The following DNAH9 variants were observed in gnomAD, a reference collection of about 807,000 sequenced individuals.
The protein encoded by DNAH9 is DNAH9 variant protein.
In DNAH9, 345 loss-of-function variants were observed where a neutral mutation model predicts 471.6. The ratio of observed to expected loss-of-function variants is 0.73; its 90% CI spans 0.67 to 0.80. The LOEUF is 0.80. DNAH9 is among the 30% of genes least tolerant of loss of function. The pLI, the probability that DNAH9 is intolerant of heterozygous loss-of-function variation, is 0.00. For synonymous variants in DNAH9, 2,093 were observed against 2,123.6 expected (o/e 0.99, Z 0.40); for missense variants, 5,407 against 5,609.2 (o/e 0.96, Z 1.15).
intron 48 of DNAH9, among the ~76,000 whole-genome samples, chr17:11,833,145 T>C (rs1325258172): frequency 7.2e-5 from 11 of 152,172 alleles, no homozygotes; most frequent in Non-Finnish European, 1.6e-4. Context: ...CTCTCCCAGC[T>C]CATGAGCAGA....
Position 11,675,506 on chromosome 17 carries a change from G to A in DNAH9, c.3354-4251G>A, listed in dbSNP as rs2074035177. 1.3e-5 allele frequency among the ~76,000 whole-genome samples: 2 copies of A among 152,170 alleles called. 1 individual carries two copies. On this transcript the variant is annotated intron_variant, in intron 17 of 68. Coordinates refer to ENST00000262442, the MANE Select transcript of DNAH9 (RefSeq NM_001372.4). ...GAAAGTGGGGATAACATACGTCTTT[G>A]TCTTGTCTCTGATCTTAAAAGGAGT...
At position 11,962,076 on chromosome 17, in the gene DNAH9, C is replaced by T; in HGVS notation, c.13053C>T (p.Asn4351=). 2 of 1,614,148 alleles carry T rather than the reference C, an allele frequency of 1.2e-6. No individual in the cohort carries two copies. The highest frequency in any genetic ancestry group is 2.2e-5 in the East Asian group (1 of 44,860). Residue 4351 remains asparagine (N), a synonymous_variant, in exon 68 of 69, where the codon AAC becomes AAT. Transcript: ENST00000262442. The surrounding 1 kb of genome is among the most constrained non-coding windows in gnomAD (Gnocchi z 4.1). ...PSTVWLTGFF[N]PQSFLTAIMQ... Reference sequence around the variant, plus strand: ...CTGTGTGGCTGACAGGCTTCTTCAACCCCCAGTCGTTCCTGACTGCCATCA... The same window carrying T: ...CTGTGTGGCTGACAGGCTTCTTCAATCCCCAGTCGTTCCTGACTGCCATCA...
intron 11 of DNAH9, among the ~76,000 whole-genome samples, chr17:11,644,947 A>G (rs940010593): frequency 2.6e-5 from 4 of 152,224 alleles, no homozygotes; most frequent in African/African-American, 9.6e-5. Flanking sequence ...AACTAGAGCT[A>G]GGAGTGGGGT....
chr17:11,802,108 G>A (rs9913751), intron 43 of DNAH9, among the ~76,000 whole-genome samples: 1,686 of 152,214 alleles, frequency 0.011, 33 homozygotes, highest in African/African-American at 0.038. Context: ...TCAACCACCC[G>A]TTACTTTATC....
Position 11,742,284 on chromosome 17 carries a change from C to T in DNAH9, c.6082C>T (p.Gln2028Ter), listed in dbSNP as rs1324437400. The change falls in exon 30 of 69, where the codon CAG becomes TAG. Residue 2028 changes from glutamine to a stop codon, truncating the protein, a stop_gained. Coordinates refer to ENST00000262442, the MANE Select transcript of DNAH9 (RefSeq NM_001372.4). LOFTEE classifies it high-confidence loss of function. Reference protein sequence around the residue: ...SLARKFITLYQLCKELLSKQD... With the variant: ...SLARKFITLY ...AGCCAGAAAGTTCATCACTCTTTAC[C>T]AGTTGTGCAAAGAGCTTCTCTCCAA... 8 of 1,613,958 alleles carry T rather than the reference C, an allele frequency of 5.0e-6. No individual in the cohort carries two copies. Among genetic ancestry groups the T allele is most frequent in the Admixed American group, 1.7e-5 (1 of 60,006 alleles).
intron 26 of DNAH9, among the ~76,000 whole-genome samples, chr17:11,717,010 G>A (rs898508774): frequency 1.3e-5 from 2 of 152,216 alleles, no homozygotes; most frequent in African/African-American, 4.8e-5. Context: ...CACGCATAGG[G>A]CTCCATGAAT....
At chr17:11,893,145 C>T in intron 58 of DNAH9, among the ~76,000 whole-genome samples, 1 of 146,942 alleles carries the variant, frequency 6.8e-6, no homozygotes, top group Non-Finnish European at 1.5e-5. Flanking sequence ...CCCTATATTC[C>T]CCACTCCAGC....
chr17:11,823,537 T>G (rs2150942648), intron 48 of DNAH9, among the ~76,000 whole-genome samples: 1 of 152,316 alleles, frequency 6.6e-6, no homozygotes, highest in East Asian at 1.9e-4. Context: ...CTGTTATTTG[T>G]CAAAGAGCCA....
intron 36 of DNAH9, among the ~76,000 whole-genome samples, chr17:11,764,894 A>G (rs1967866843): frequency 6.6e-6 from 1 of 152,248 alleles, no homozygotes; most frequent in East Asian, 1.9e-4. Context: ...TCATCACATC[A>G]TATGCATTAA....
intron 12 of DNAH9, 105 bp from the exon 13 acceptor site, chr17:11,650,964 C>A: frequency 1.6e-6 from 2 of 1,225,120 alleles, no homozygotes; most frequent in Non-Finnish European, 2.3e-6. Flanking sequence ...TAAGAAAAGA[C>A]CCAGAAGATC....
intron 48 of DNAH9, among the ~76,000 whole-genome samples, chr17:11,827,944 T>G (rs1970554696): frequency 6.6e-6 from 1 of 152,072 alleles, no homozygotes; most frequent in Non-Finnish European, 1.5e-5. Flanking sequence ...CTTGGTTCTT[T>G]TTACTCTCCT....
Position 11,669,660 on chromosome 17 carries a change from C to A in DNAH9, c.3219C>A (p.Cys1073Ter). The change falls in exon 17 of 69, where the codon TGC becomes TGA. Residue 1073 changes from cysteine to a stop codon, truncating the protein, a stop_gained. Transcript: ENST00000262442. LOFTEE classifies it high-confidence loss of function. Reference sequence around the variant, plus strand: ...ATGAAACGCTCTATGAAGAGGTGTGCAGGCTGGAACCCATCAAGGTGTTTG... The same window carrying A: ...ATGAAACGCTCTATGAAGAGGTGTGAAGGCTGGAACCCATCAAGGTGTTTG... Reference protein sequence around the residue: ...DSYETLYEEVCRLEPIKVFDG... With the variant: ...DSYETLYEEV The A allele has an allele frequency of 3.1e-6, 5 of 1,614,158 alleles. No homozygotes were observed. The highest frequency in any genetic ancestry group is 4.2e-6 in the Non-Finnish European group (5 of 1,180,032).
rs73975051 is a variant in DNAH9 at position 11,679,728 on chromosome 17, G to A, written c.3354-29G>A. The A allele has an allele frequency of 5.3e-4, 789 of 1,475,320 alleles. 4 individuals carry two copies. The African/African-American group carries it at 0.01, about 19-fold the overall frequency. 91.4% of individuals were successfully genotyped at this position (1,475,320 alleles called of 1,614,324 possible). ...CCTTTCGAGAAGTAGAACGAGAATG[G>A]TTCCTCATGTTCTGTTTGTGTTGAT... On this transcript the variant is annotated intron_variant, in intron 17 of 68. Coordinates refer to ENST00000262442, the MANE Select transcript of DNAH9 (RefSeq NM_001372.4).
intron 57 of DNAH9, among the ~76,000 whole-genome samples, chr17:11,887,324 G>T (rs1972910647): frequency 6.6e-6 from 1 of 152,146 alleles, no homozygotes; most frequent in South Asian, 2.1e-4. Flanking sequence ...AAATATAATA[G>T]ACAATCAAAT....
intron 12 of DNAH9, among the ~76,000 whole-genome samples, chr17:11,649,561 G>T (rs767531484): frequency 6.6e-6 from 1 of 152,060 alleles, no homozygotes; most frequent in Non-Finnish European, 1.5e-5. Context: ...GTCCAGAAAT[G>T]GAATTTCTGG....
In DNAH9 at chr17:11,881,355, A is replaced by G; in HGVS notation, c.10748A>G (p.Glu3583Gly). ...TTCACCGTGACCAGGGATGGCCTGG[A>G]GGACCAGTTGCTGGCCGCTGTGGTC... ...INFTVTRDGL[E>G]DQLLAAVVSM... Residue 3583 changes from glutamate to glycine, a missense_variant, in exon 55 of 69, where the codon GAG becomes GGG. By Grantham distance (98) the Glu-to-Gly change is moderately conservative. This residue lies in a region of DNAH9 where 4,636 missense variants were observed against 4,900.3 expected (regional missense o/e 0.95). Coordinates refer to ENST00000262442, the MANE Select transcript of DNAH9 (RefSeq NM_001372.4). 1.9e-6 allele frequency: 3 copies of G among 1,614,122 alleles called. No homozygotes were observed. Among genetic ancestry groups the G allele is most frequent in the Middle Eastern group, 1.7e-4 (1 of 6,014 alleles).
Position 11,807,841 on chromosome 17 carries a change from A to G in DNAH9, c.8530A>G (p.Met2844Val), listed in dbSNP as rs767646283. ...AAGGCTGGCAGCTTTCATCAGCTCC[A>G]TGGATGTCTTCCAGATCACACTGCG... Reference protein sequence around the residue: ...LTRLAAFISSMDVFQITLRKG... With the variant: ...LTRLAAFISSVDVFQITLRKG... The change falls in exon 44 of 69, where the codon ATG (methionine) becomes GTG (valine). Residue 2844 changes from methionine to valine, a missense_variant. This residue lies in a region of DNAH9 where 4,636 missense variants were observed against 4,900.3 expected (regional missense o/e 0.95). Coordinates refer to ENST00000262442, the MANE Select transcript of DNAH9 (RefSeq NM_001372.4). The G allele has an allele frequency of 6.2e-7, 1 of 1,614,104 alleles. No homozygotes were observed. The highest frequency in any genetic ancestry group is 8.5e-7 in the Non-Finnish European group (1 of 1,179,954).
At chr17:11,676,130 C>T (rs2074045306) in intron 17 of DNAH9, among the ~76,000 whole-genome samples, 1 of 151,954 alleles carries the variant, frequency 6.6e-6, no homozygotes, top group South Asian at 2.1e-4. Flanking sequence ...TCTATTCCTT[C>T]GTAAGTCACT....
intron 59 of DNAH9, among the ~76,000 whole-genome samples, chr17:11,899,454 C>T (rs151134296): frequency 7.9e-5 from 12 of 152,230 alleles, no homozygotes; most frequent in Admixed American, 5.9e-4. Context: ...CAATTTAGCT[C>T]GGTTGTATTT....
Sources: allele counts gnomAD v4.1 joint callset (sites outside exome capture counted in the v4.1 genomes callset), GRCh38; gene constraint gnomAD v4.1.1; regional missense constraint gnomAD v4.1.1; non-coding constraint Gnocchi (gnomAD v3.1); transcripts MANE v1.5; gene names NCBI Gene and HGNC (gene_info 2026-07-23, HGNC 2026-07-21).